Variants in KHDRBS3 observed in about 807,000 individuals in gnomAD.
KHDRBS3 encodes the protein KH RNA binding domain containing, signal transduction associated 3, also known as KH domain-containing, RNA-binding, signal transduction-associated protein 3.
A neutral mutation model predicts 45.6 loss-of-function variants in KHDRBS3; 23 were observed. The ratio of observed to expected loss-of-function variants is 0.50; its 90% confidence interval spans 0.36 to 0.72. The LOEUF (loss-of-function observed/expected upper bound fraction) is 0.72. Among genes scored for constraint, KHDRBS3 ranks in the 30% least tolerant of loss-of-function variants. The pLI, the probability that KHDRBS3 is intolerant of heterozygous loss-of-function variation, is 0.00. For missense variants in KHDRBS3, 352 were observed against 424.8 expected, an observed-to-expected ratio of 0.83 and a Z score of 1.51; for synonymous variants, 162 against 156.5, an observed-to-expected ratio of 1.04 and a Z score of -0.26.
intron 4 of KHDRBS3, 83 bp downstream of exon 4, chr8:135,548,983 T>C (rs1417775374): frequency 3.2e-6 from 3 of 923,196 alleles, no homozygotes; most frequent in Non-Finnish European, 4.6e-6. Context: ...GTAACTGTTA[T>C]TTGCATAGCT....
chr8:135,652,010 A>G (rs924519016), downstream of KHDRBS3, among the ~76,000 whole-genome samples: 17 of 152,384 alleles, frequency 1.1e-4, no homozygotes, highest in African/African-American at 4.1e-4. Flanking sequence ...ATAAAATTGT[A>G]GAGTCAAAAG....
Position 135,561,449 on chromosome 8 carries a change from G to A in KHDRBS3, c.611+3862G>A, listed in dbSNP as rs567900538. ...CATGCAGCTAGTGGTTGGTAGAGCC[G>A]GGTGGAATCCAGGCAGTGTGCTTTC... On this transcript the variant is annotated intron_variant, in intron 5 of 8. Coordinates refer to ENST00000355849, the MANE Select transcript of KHDRBS3 (RefSeq NM_006558.3). Among the ~76,000 whole-genome samples, 6 of 152,146 alleles carry A rather than the reference G, an allele frequency of 3.9e-5. No homozygotes were observed. The South Asian group carries it at 1.2e-3, about 32-fold the overall frequency.
intron 2 of KHDRBS3, among the ~76,000 whole-genome samples, chr8:135,529,875 T>C (rs201574829): frequency 6.6e-6 from 1 of 151,830 alleles, no homozygotes; most frequent in East Asian, 1.9e-4. Context: ...AGTGAAACCC[T>C]GTCTCTACTA....
At chr8:135,503,178 C>T (rs968842204) in intron 1 of KHDRBS3, among the ~76,000 whole-genome samples, 1 of 152,204 alleles carries the variant, frequency 6.6e-6, no homozygotes, top group African/African-American at 2.4e-5. Flanking sequence ...ACAAAAGCGT[C>T]ATACAGAAAT....
chr8:135,603,473 C>T (rs1166800210), intron 6 of KHDRBS3, among the ~76,000 whole-genome samples: 2 of 152,176 alleles, frequency 1.3e-5, no homozygotes, highest in Non-Finnish European at 2.9e-5. Flanking sequence ...GAAGATCATA[C>T]TCAAATTAGT....
intron 5 of KHDRBS3, among the ~76,000 whole-genome samples, chr8:135,561,809 A>T (rs1157776293): frequency 6.6e-6 from 1 of 152,108 alleles, no homozygotes; most frequent in Non-Finnish European, 1.5e-5. Context: ...GTCCTAGGCT[A>T]TAGGCTAATG....
At chr8:135,602,442 A>G (rs916124482) in intron 6 of KHDRBS3, among the ~76,000 whole-genome samples, 2 of 152,242 alleles carry the variant, frequency 1.3e-5, no homozygotes, top group African/African-American at 4.8e-5. Context: ...AAAATATCGA[A>G]GTCAATAACT....
chr8:135,625,007 TG>T (rs891330760), intron 7 of KHDRBS3, among the ~76,000 whole-genome samples: 5 of 152,222 alleles, frequency 3.3e-5, no homozygotes. Flanking sequence ...TAAAAGCTCC[TG>T]ACTCAAACTT....
At chr8:135,535,750 T>G (rs1825714719) in intron 2 of KHDRBS3, among the ~76,000 whole-genome samples, 1 of 152,160 alleles carries the variant, frequency 6.6e-6, no homozygotes, top group African/African-American at 2.4e-5. Flanking sequence ...GACTGAGGAA[T>G]GTATAAAGCA....
At chr8:135,640,215 T>A (rs1831005340) in intron 7 of KHDRBS3, among the ~76,000 whole-genome samples, 1 of 151,986 alleles carries the variant, frequency 6.6e-6, no homozygotes, top group African/African-American at 2.4e-5. Context: ...ACGTAGTGAT[T>A]TAGAGCTTCC....
At chr8:135,463,703 A>G (rs1382297618) in intron 1 of KHDRBS3, among the ~76,000 whole-genome samples, 1 of 152,188 alleles carries the variant, frequency 6.6e-6, no homozygotes, top group African/African-American at 2.4e-5. Flanking sequence ...AGTTATCCGC[A>G]GTTTCAGATG....
chr8:135,536,124 A>G (rs1052664128), intron 2 of KHDRBS3, among the ~76,000 whole-genome samples: 2 of 151,764 alleles, frequency 1.3e-5, no homozygotes, highest in African/African-American at 4.8e-5. Context: ...CCCACCCCAG[A>G]TGAGCAAATG....
chr8:135,596,842 G>C (rs1828994332), intron 6 of KHDRBS3, among the ~76,000 whole-genome samples: 1 of 152,094 alleles, frequency 6.6e-6, no homozygotes, highest in Non-Finnish European at 1.5e-5. Flanking sequence ...TCAGCGAAGC[G>C]TGAAGAGAAG....
At chr8:135,494,781 A>G (rs1823348654) in intron 1 of KHDRBS3, among the ~76,000 whole-genome samples, 1 of 152,170 alleles carries the variant, frequency 6.6e-6, no homozygotes, top group Admixed American at 6.5e-5. Context: ...ATGTCTTCTC[A>G]TCCCCTCCAC....
At chr8:135,522,707 T>C (rs1054663698) in intron 2 of KHDRBS3, among the ~76,000 whole-genome samples, 1 of 152,226 alleles carries the variant, frequency 6.6e-6, no homozygotes, top group Non-Finnish European at 1.5e-5. Flanking sequence ...ATTTGAATCT[T>C]GAAATCTTTG....
chr8:135,548,003 A>C (rs1826396229), intron 3 of KHDRBS3, among the ~76,000 whole-genome samples: 1 of 152,218 alleles, frequency 6.6e-6, no homozygotes, highest in Admixed American at 6.5e-5. Context: ...ACTTTGTCAT[A>C]ATTATGTAAA....
intron 2 of KHDRBS3, among the ~76,000 whole-genome samples, chr8:135,536,954 G>A (rs888094553): frequency 5.5e-5 from 5 of 90,670 alleles, no homozygotes; most frequent in Non-Finnish European, 5.9e-5. Flanking sequence ...GCGACAGAGC[G>A]AAACTCCATC....
chr8:135,579,237 A>G (rs1404854146), intron 5 of KHDRBS3, among the ~76,000 whole-genome samples: 2 of 152,158 alleles, frequency 1.3e-5, no homozygotes, highest in African/African-American at 2.4e-5. Context: ...ATAGTGTTGA[A>G]TAGTAGTTGT....
chr8:135,573,477 A>G (rs527754664), intron 5 of KHDRBS3, among the ~76,000 whole-genome samples: 143 of 152,336 alleles, frequency 9.4e-4, no homozygotes, highest in South Asian at 1.9e-3. Context: ...ACCACTTACT[A>G]CATGCCTGTT....
Sources: gnomAD v4.1 joint callset for allele counts (sites outside exome capture counted in the v4.1 genomes callset) on GRCh38, gnomAD v4.1.1 for gene constraint, MANE v1.5 for transcripts, NCBI Gene and HGNC (gene_info 2026-07-23, HGNC 2026-07-21) for gene names.